Variants in AGMO observed in about 807,000 individuals in gnomAD.
AGMO encodes glyceryl-ether monooxygenase.
In AGMO, 75 loss-of-function variants were observed where a neutral mutation model predicts 60.2. That is an observed-to-expected ratio of 1.25 (90% CI 1.03 to 1.51). The LOEUF is 1.51. AGMO is among the 40% of genes most tolerant of loss of function. AGMO has a pLI of 0.00. For missense variants in AGMO, 763 were observed against 525.5 expected, an observed-to-expected ratio of 1.45 and a Z score of -4.42; for synonymous variants, 261 against 177.1, an observed-to-expected ratio of 1.47 and a Z score of -3.76.
intron 12 of AGMO, among the ~76,000 whole-genome samples, chr7:15,294,422 T>C (rs1185239615): frequency 6.6e-6 from 1 of 151,744 alleles, no homozygotes; most frequent in African/African-American, 2.4e-5. Context: ...GTCAATAAAT[T>C]GCAGAACAAC....
At chr7:15,132,724 G>T in the AGMO span, among the ~76,000 whole-genome samples, 1 of 152,162 alleles carries the variant, frequency 6.6e-6, no homozygotes, top group Non-Finnish European at 1.5e-5. Context: ...GTGAATCAAG[G>T]CAGTGAAGAC....
Position 15,304,219 on chromosome 7 carries a change from C to G in AGMO, c.1263+61295G>C, listed in dbSNP as rs1780543237. Reference sequence around the variant, plus strand: ...TGAAAGTTAACTTTAAATGTCTTGACCTACATAAACTCCTAACATTTGTTT... The same window carrying G: ...TGAAAGTTAACTTTAAATGTCTTGAGCTACATAAACTCCTAACATTTGTTT... On this transcript the variant is annotated intron_variant, in intron 12 of 12. Coordinates refer to ENST00000342526, the MANE Select transcript of AGMO (RefSeq NM_001004320.2). 2.6e-5 allele frequency among the ~76,000 whole-genome samples: 4 copies of G among 152,100 alleles called. No individual in the cohort carries two copies. The South Asian group carries it at 8.3e-4, about 32-fold the overall frequency.
intron 3 of AGMO, among the ~76,000 whole-genome samples, chr7:15,543,431 A>G (rs1263577575): frequency 5.3e-5 from 8 of 152,184 alleles, no homozygotes; most frequent in Admixed American, 5.2e-4. Flanking sequence ...GAACCAGTGC[A>G]GTAAGAGGGC....
At chr7:15,287,488 T>C (rs977656276) in intron 12 of AGMO, among the ~76,000 whole-genome samples, 5 of 152,198 alleles carry the variant, frequency 3.3e-5, no homozygotes, top group African/African-American at 1.2e-4. Flanking sequence ...TGAAAATCAA[T>C]AGTTTTGTTC....
chr7:15,505,140 G>C (rs1341868045), intron 3 of AGMO, among the ~76,000 whole-genome samples: 1 of 151,816 alleles, frequency 6.6e-6, no homozygotes, highest in Admixed American at 6.6e-5. Context: ...ATCATCTATT[G>C]CCAAACTACT....
chr7:15,322,955 T>A (rs373558599), intron 12 of AGMO, among the ~76,000 whole-genome samples: 117 of 144,490 alleles, frequency 8.1e-4, no homozygotes, highest in Admixed American at 2.6e-3. Flanking sequence ...CATATATATA[T>A]AACACGTGTG....
chr7:15,144,812 TTTTC>T, the AGMO span, among the ~76,000 whole-genome samples: 7 of 152,132 alleles, frequency 4.6e-5, no homozygotes, highest in African/African-American at 1.7e-4. Flanking sequence ...GTGGCGTAAC[TTTTC>T]TTTTTGTTTG....
At chr7:15,496,117 G>C (rs1302725194) in intron 3 of AGMO, among the ~76,000 whole-genome samples, 1 of 152,052 alleles carries the variant, frequency 6.6e-6, no homozygotes, top group Admixed American at 6.6e-5. Flanking sequence ...GCACAGCTTG[G>C]GTGGAACTGC....
chr7:15,173,761 A>G, the AGMO span, among the ~76,000 whole-genome samples: 3 of 151,720 alleles, frequency 2.0e-5, no homozygotes, highest in Non-Finnish European at 4.4e-5. Flanking sequence ...CATAGCAAAG[A>G]GCCAATAGAT....
chr7:15,441,028 G>A (rs1435499587), intron 3 of AGMO, among the ~76,000 whole-genome samples: 1 of 152,180 alleles, frequency 6.6e-6, no homozygotes, highest in Non-Finnish European at 1.5e-5. Context: ...CTGGCAATTT[G>A]TTAGGGGATC....
At chr7:15,451,406 C>A (rs1236997687) in intron 3 of AGMO, among the ~76,000 whole-genome samples, 1 of 151,988 alleles carries the variant, frequency 6.6e-6, no homozygotes, top group African/African-American at 2.4e-5. Context: ...GCTGCTATAA[C>A]AAAATACTTT....
chr7:15,380,487 A>T (rs1783635115), intron 10 of AGMO, among the ~76,000 whole-genome samples: 1 of 152,160 alleles, frequency 6.6e-6, no homozygotes. Context: ...AGAGCTACAA[A>T]ACACTACTCA....
At chr7:15,257,930 A>ATTGATTT (rs1783145274) in intron 12 of AGMO, among the ~76,000 whole-genome samples, 2 of 152,190 alleles carry the variant, frequency 1.3e-5, no homozygotes, top group African/African-American at 4.8e-5. Flanking sequence ...TCCCAAACAG[A>ATTGATTT]TTGATTTTAT....
intron 3 of AGMO, among the ~76,000 whole-genome samples, chr7:15,446,117 A>G (rs1037844523): frequency 1.3e-5 from 2 of 152,194 alleles, no homozygotes; most frequent in Non-Finnish European, 1.5e-5. Context: ...AAAGATCATG[A>G]AGCAAAATAT....
At chr7:15,544,035 C>T (rs887173238) in intron 3 of AGMO, among the ~76,000 whole-genome samples, 4 of 151,984 alleles carry the variant, frequency 2.6e-5, no homozygotes, top group African/African-American at 9.7e-5. Context: ...GAATACTACT[C>T]AGCCATAAAA....
the AGMO span, among the ~76,000 whole-genome samples, chr7:15,172,637 G>C: frequency 9.9e-5 from 15 of 152,228 alleles, no homozygotes; most frequent in South Asian, 3.1e-3. Flanking sequence ...AGACCCAGAA[G>C]AGTTCCTCAA....
intron 4 of AGMO, among the ~76,000 whole-genome samples, chr7:15,423,753 C>T (rs1277397870): frequency 8.0e-6 from 1 of 125,748 alleles, no homozygotes; most frequent in East Asian, 2.0e-4. Flanking sequence ...CTCAGTGATG[C>T]ATCTTCAAGC....
chr7:15,141,326 G>T, the AGMO span, among the ~76,000 whole-genome samples: 1 of 152,124 alleles, frequency 6.6e-6, no homozygotes. Context: ...GCTCACGTCT[G>T]TAATCCCAAC....
chr7:15,560,114 C>A, intron 2 of AGMO, 27 bp downstream of exon 2: 1 of 1,559,626 alleles, frequency 6.4e-7, no homozygotes, highest in Non-Finnish European at 8.7e-7. Flanking sequence ...AGTTTTTATG[C>A]TCAGCGTTGT....
Sources: gnomAD v4.1 joint callset for allele counts (sites outside exome capture counted in the v4.1 genomes callset) on GRCh38, gnomAD v4.1.1 for gene constraint, MANE v1.5 for transcripts, NCBI Gene and HGNC (gene_info 2026-07-23, HGNC 2026-07-21) for gene names.